MAP3K20: variants seen among roughly 807,000 people sequenced by gnomAD.
MAP3K20 encodes mitogen-activated protein kinase kinase kinase 20.
In MAP3K20, 40 loss-of-function variants were observed where a neutral mutation model predicts 85.7. That is an observed-to-expected ratio of 0.47 (90% CI 0.36 to 0.61). The LOEUF (loss-of-function observed/expected upper bound fraction) is 0.61. MAP3K20 is among the 20% of genes least tolerant of loss of function. MAP3K20 has a pLI of 0.00. For synonymous variants in MAP3K20, 325 were observed against 327.7 expected (o/e 0.99, Z 0.09); for missense variants, 817 against 961.7 (o/e 0.85, Z 1.99).
chr2:173,092,986 C>CTT (rs1212438719), intron 2 of MAP3K20, among the ~76,000 whole-genome samples: 2 of 152,024 alleles, frequency 1.3e-5, no homozygotes, highest in African/African-American at 2.4e-5. Flanking sequence ...ACTCATAAAC[C>CTT]TGTAGGTAGG....
At chr2:173,169,740 C>T in intron 2 of MAP3K20, 65 bp from the exon 3 acceptor site, 2 of 1,496,510 alleles carry the variant, frequency 1.3e-6, no homozygotes, top group South Asian at 2.3e-5. Flanking sequence ...GAGTAGGAAG[C>T]CTGTTTTATT....
At chr2:173,089,015 A>C (rs976021121) in intron 1 of MAP3K20, among the ~76,000 whole-genome samples, 4 of 152,172 alleles carry the variant, frequency 2.6e-5, no homozygotes, top group Non-Finnish European at 5.9e-5. Flanking sequence ...TCATGTGAGA[A>C]ATCAGCATTC....
At chr2:173,215,173 A>G (rs746954619) in intron 10 of MAP3K20, among the ~76,000 whole-genome samples, 1 of 152,246 alleles carries the variant, frequency 6.6e-6, no homozygotes, top group African/African-American at 2.4e-5. Context: ...CTAAAAGAAC[A>G]TCAGTCAATC....
intron 3 of MAP3K20, among the ~76,000 whole-genome samples, chr2:173,175,467 A>G (rs1217167348): frequency 6.6e-6 from 1 of 152,178 alleles, no homozygotes; most frequent in East Asian, 1.9e-4. Flanking sequence ...ACTTGATTGA[A>G]ACGTGAGGAA....
chr2:173,161,780 C>G (rs1434224421), intron 2 of MAP3K20, among the ~76,000 whole-genome samples: 1 of 152,140 alleles, frequency 6.6e-6, no homozygotes. Context: ...TTCTCAGAAC[C>G]TATGGCCTTC....
chr2:173,075,566 C>G (rs2106126615), upstream of MAP3K20: 1 of 183,476 alleles, frequency 5.5e-6, no homozygotes, highest in Non-Finnish European at 1.0e-5. Flanking sequence ...TTGTTGAAGA[C>G]TGAGTTGAAG....
chr2:173,241,571 T>G (rs2106339371), intron 16 of MAP3K20, among the ~76,000 whole-genome samples: 1 of 152,196 alleles, frequency 6.6e-6, no homozygotes, highest in Non-Finnish European at 1.5e-5. Flanking sequence ...GCCAAAACTG[T>G]GCCACTGCAC....
intron 10 of MAP3K20, chr2:173,211,713 G>C (rs1401930285): frequency 6.6e-6 from 1 of 152,364 alleles, no homozygotes; most frequent in Non-Finnish European, 1.5e-5. Context: ...AGGAGATCGA[G>C]ACCATACTGG....
intron 2 of MAP3K20, among the ~76,000 whole-genome samples, chr2:173,117,276 C>T (rs1360365504): frequency 6.6e-6 from 1 of 151,954 alleles, no homozygotes; most frequent in Non-Finnish European, 1.5e-5. Context: ...TAAACTTCCT[C>T]ATTTATTTAT....
At chr2:173,107,390 G>A (rs1429576678) in intron 2 of MAP3K20, among the ~76,000 whole-genome samples, 1 of 152,094 alleles carries the variant, frequency 6.6e-6, no homozygotes, top group Non-Finnish European at 1.5e-5. Flanking sequence ...GAAGATATGG[G>A]AGGAGGATCC....
intron 8 of MAP3K20, among the ~76,000 whole-genome samples, chr2:173,199,044 T>G (rs1163340923): frequency 6.6e-6 from 1 of 152,212 alleles, no homozygotes; most frequent in Non-Finnish European, 1.5e-5. Flanking sequence ...TTTCCAAATC[T>G]TATCTGTGCT....
chr2:173,232,110 T>C (rs1195462586), intron 12 of MAP3K20, 82 bp from the exon 13 acceptor site: 16 of 1,530,672 alleles, frequency 1.0e-5, no homozygotes, highest in East Asian at 6.8e-5. Flanking sequence ...TTTTGATCTA[T>C]TGAAAACTCT....
At chr2:173,220,766 T>C (rs1420872915) in intron 11 of MAP3K20, among the ~76,000 whole-genome samples, 1 of 151,964 alleles carries the variant, frequency 6.6e-6, no homozygotes, top group Non-Finnish European at 1.5e-5. Flanking sequence ...TCTGCTTAAT[T>C]TATTTTTTTA....
intron 8 of MAP3K20, among the ~76,000 whole-genome samples, chr2:173,201,889 G>A (rs538069583): frequency 6.6e-6 from 1 of 152,142 alleles, no homozygotes; most frequent in Non-Finnish European, 1.5e-5. Flanking sequence ...GTTTCCTTGT[G>A]TAATGACTTC....
At chr2:173,154,285 G>A (rs1309003359) in intron 2 of MAP3K20, among the ~76,000 whole-genome samples, 8 of 152,178 alleles carry the variant, frequency 5.3e-5, no homozygotes. Flanking sequence ...CCAGGTTCAA[G>A]CAATTCTCTT....
rs768503188 is a variant in MAP3K20, at chr2:173,266,694, G to A, written c.2347G>A (p.Ala783Thr). 1.1e-5 allele frequency: 18 copies of A among 1,591,856 alleles called. No individual in the cohort carries two copies. Among genetic ancestry groups the A allele is most frequent in the Middle Eastern group, 1.7e-4 (1 of 5,924 alleles). Residue 783 changes from alanine (A) to threonine (T), a missense_variant, in exon 20 of 20, where the codon GCC (alanine) becomes ACC (threonine). This residue lies in a region of MAP3K20 where 454 missense variants were observed against 476.9 expected (regional missense o/e 0.95). Coordinates refer to ENST00000375213, the MANE Select transcript of MAP3K20 (RefSeq NM_016653.3). Reference protein sequence around the residue: ...YRKKPHRPSPAKTNKERARGD... With the variant: ...YRKKPHRPSPTKTNKERARGD... ...GAAAAAGCCCCACAGGCCATCTCCC[G>A]CCAAAACCAATAAAGAGAGAGCCAG...
chr2:173,231,601 C>T (rs1406933590), intron 12 of MAP3K20, among the ~76,000 whole-genome samples: 1 of 152,232 alleles, frequency 6.6e-6, no homozygotes, highest in Non-Finnish European at 1.5e-5. Context: ...CAGAGAATCA[C>T]AGGGACTGAG....
intron 2 of MAP3K20, among the ~76,000 whole-genome samples, chr2:173,161,236 C>T (rs1689649080): frequency 6.6e-6 from 1 of 152,206 alleles, no homozygotes; most frequent in South Asian, 2.1e-4. Context: ...TGCAGCTGTC[C>T]AAATCCTCAT....
intron 1 of MAP3K20, among the ~76,000 whole-genome samples, chr2:173,079,862 T>C (rs1419745385): frequency 6.6e-6 from 1 of 151,218 alleles, no homozygotes; most frequent in Non-Finnish European, 1.5e-5. Context: ...TCTGGACACC[T>C]CCTGAAGGAC....
Sources: gnomAD v4.1 joint callset for allele counts (sites outside exome capture counted in the v4.1 genomes callset) on GRCh38, gnomAD v4.1.1 for gene constraint, gnomAD v4.1.1 regional missense constraint, MANE v1.5 for transcripts, NCBI Gene and HGNC (gene_info 2026-07-23, HGNC 2026-07-21) for gene names.